LINGO2: variants seen among roughly 807,000 people sequenced by gnomAD.
LINGO2 encodes the protein leucine rich repeat and Ig domain containing 2.
Under a neutral mutation model 30.6 loss-of-function variants are expected in LINGO2, and 14 were observed. The observed-to-expected ratio is 0.46, with a 90% confidence interval of 0.30 to 0.72. The LOEUF (loss-of-function observed/expected upper bound fraction) is 0.72, where lower values mean the gene tolerates loss of function less well. Among genes scored for constraint, LINGO2 ranks in the 30% least tolerant of loss-of-function variants. The probability of loss-of-function intolerance (pLI) is 0.07; values close to 1 mark genes in which losing one functional copy is unlikely to be tolerated. For missense variants in LINGO2, 729 were observed against 751.7 expected (o/e 0.97, Z 0.35); for synonymous variants, 317 against 288.5 (o/e 1.10, Z -1.00).
the LINGO2 span, among the ~76,000 whole-genome samples, chr9:29,061,237 G>A: frequency 7.3e-4 from 111 of 151,906 alleles, 1 homozygote; most frequent in Non-Finnish European, 1.4e-3. Context: ...AATAGAAACC[G>A]TTCAAAAACA....
the LINGO2 span, among the ~76,000 whole-genome samples, chr9:29,109,138 A>C: frequency 5.9e-3 from 891 of 150,478 alleles, 7 homozygotes; most frequent in African/African-American, 0.021. Context: ...GCTTGTGAGT[A>C]ATTTTTTTAA....
At chr9:28,770,126 AG>A in the LINGO2 span, among the ~76,000 whole-genome samples, 1 of 152,084 alleles carries the variant, frequency 6.6e-6, no homozygotes, top group South Asian at 2.1e-4. Flanking sequence ...GTCTTTCTTC[AG>A]CATGGGGTGC....
At chr9:28,104,254 A>ATTT (rs1586993156) in intron 4 of LINGO2, among the ~76,000 whole-genome samples, 2 of 90,256 alleles carry the variant, frequency 2.2e-5, no homozygotes, top group Admixed American at 1.2e-4. Context: ...CCCCAGTACA[A>ATTT]GTTTTTTGTT....
the LINGO2 span, among the ~76,000 whole-genome samples, chr9:29,145,252 G>C: frequency 6.6e-6 from 1 of 152,082 alleles, no homozygotes; most frequent in South Asian, 2.1e-4. Flanking sequence ...CACACATTAT[G>C]GTGATCCAGG....
chr9:28,198,569 C>T (rs773905559), intron 4 of LINGO2, among the ~76,000 whole-genome samples: 4 of 152,074 alleles, frequency 2.6e-5, no homozygotes, highest in Admixed American at 2.0e-4. Context: ...TTTAAATATG[C>T]CAAGTGAGTT....
At chr9:28,630,355 T>C (rs943866495) in intron 1 of LINGO2, among the ~76,000 whole-genome samples, 1 of 152,138 alleles carries the variant, frequency 6.6e-6, no homozygotes, top group Non-Finnish European at 1.5e-5. Context: ...TTTTTTTCTA[T>C]TATTAATACT....
intron 1 of LINGO2, among the ~76,000 whole-genome samples, chr9:28,585,920 C>A (rs1426387976): frequency 1.3e-5 from 2 of 151,988 alleles, no homozygotes; most frequent in Non-Finnish European, 2.9e-5. Flanking sequence ...GAGTTCAGAT[C>A]CTGTTCCACA....
At chr9:29,008,754 A>G in the LINGO2 span, among the ~76,000 whole-genome samples, 1,000 of 152,084 alleles carry the variant, frequency 6.6e-3, 15 homozygotes, top group African/African-American at 0.023. Context: ...CATATCCTTC[A>G]CCCAATTTTT....
At chr9:28,705,768 C>G in the LINGO2 span, among the ~76,000 whole-genome samples, 1 of 152,124 alleles carries the variant, frequency 6.6e-6, no homozygotes, top group Non-Finnish European at 1.5e-5. Flanking sequence ...AGCAGTTTGT[C>G]AATTACATCT....
At chr9:28,748,153 A>G in the LINGO2 span, among the ~76,000 whole-genome samples, 3 of 152,016 alleles carry the variant, frequency 2.0e-5, no homozygotes, top group East Asian at 5.8e-4. Context: ...TAAATTCTAA[A>G]CATTTTGATA....
intron 1 of LINGO2, among the ~76,000 whole-genome samples, chr9:28,519,524 T>A (rs1251520889): frequency 6.6e-6 from 1 of 152,230 alleles, no homozygotes. Context: ...GCTCAACAAA[T>A]CATTCCTATC....
rs142977740 is a variant in LINGO2 at position 28,435,384 on chromosome 9, G to A, written c.-279+40556C>T. Among the ~76,000 whole-genome samples, 32 of 152,240 alleles carry A rather than the reference G, an allele frequency of 2.1e-4. 1 individual carries two copies. The highest frequency in any genetic ancestry group is 7.7e-4 in the African/African-American group (32 of 41,556). ...TATATGTAAGAAGAAGGGTTATTGT[G>A]CTTTGTGGCCAAGAAAACTTCTAAA... On this transcript the variant is annotated intron_variant, in intron 2 of 5. Transcript: ENST00000379992.
At chr9:28,630,376 C>A (rs1826881637) in intron 1 of LINGO2, among the ~76,000 whole-genome samples, 1 of 151,842 alleles carries the variant, frequency 6.6e-6, no homozygotes, top group Admixed American at 6.6e-5. Flanking sequence ...GCTAATTAGT[C>A]CTAACTAATT....
intron 1 of LINGO2, among the ~76,000 whole-genome samples, chr9:28,531,573 TTAAG>T (rs1821239500): frequency 1.3e-5 from 2 of 152,168 alleles, no homozygotes; most frequent in African/African-American, 2.4e-5. Context: ...TTTATCTTAT[TTAAG>T]TATCTATAGT....
chr9:28,934,727 A>G, the LINGO2 span, among the ~76,000 whole-genome samples: 1 of 152,066 alleles, frequency 6.6e-6, no homozygotes, highest in Non-Finnish European at 1.5e-5. Context: ...GACAATAGAG[A>G]GCTCCATTTA....
chr9:29,023,672 T>C, the LINGO2 span, among the ~76,000 whole-genome samples: 1 of 152,144 alleles, frequency 6.6e-6, no homozygotes, highest in Non-Finnish European at 1.5e-5. Flanking sequence ...AATAACTACA[T>C]TCATTTTAAT....
At chr9:28,516,213 C>T (rs1243496992) in intron 1 of LINGO2, among the ~76,000 whole-genome samples, 2 of 151,892 alleles carry the variant, frequency 1.3e-5, no homozygotes, top group African/African-American at 2.4e-5. Context: ...TGTGTTGTCC[C>T]AGAACTGAGC....
At chr9:28,243,155 C>G (rs1225212838) in intron 4 of LINGO2, among the ~76,000 whole-genome samples, 2 of 151,976 alleles carry the variant, frequency 1.3e-5, no homozygotes, top group African/African-American at 4.8e-5. Context: ...TCTAAATGCC[C>G]CAGTTAAAAG....
chr9:28,105,836 C>G (rs531517038), intron 4 of LINGO2, among the ~76,000 whole-genome samples: 1 of 152,140 alleles, frequency 6.6e-6, no homozygotes, highest in Non-Finnish European at 1.5e-5. Flanking sequence ...CACAAGAAAC[C>G]AAATTGACCA....
Sources: allele counts gnomAD v4.1 joint callset (sites outside exome capture counted in the v4.1 genomes callset), GRCh38; gene constraint gnomAD v4.1.1; transcripts MANE v1.5; gene names NCBI Gene and HGNC (gene_info 2026-07-23, HGNC 2026-07-21).